The following FAM234B variants were observed in gnomAD, a reference collection of about 807,000 sequenced individuals.
FAM234B encodes the protein family with sequence similarity 234 member B, also known as protein FAM234B.
Under a neutral mutation model 69.3 loss-of-function variants are expected in FAM234B, and 33 were observed. That is an observed-to-expected ratio of 0.48 (90% CI 0.36 to 0.64). The LOEUF (loss-of-function observed/expected upper bound fraction) is 0.64, where lower values mean the gene tolerates loss of function less well. FAM234B is among the 30% of genes least tolerant of loss of function. The pLI is 0.00. For synonymous variants in FAM234B, 306 were observed against 306.9 expected (o/e 1.00, Z 0.03); for missense variants, 697 against 769.7 (o/e 0.91, Z 1.12).
In FAM234B at chr12:13,044,418, G is replaced by C. The variant is rs778726610; in HGVS notation, c.15G>C (p.Leu5=). 13 of 1,551,764 alleles carry C rather than the reference G, an allele frequency of 8.4e-6. No homozygotes were observed. Among genetic ancestry groups the C allele is most frequent in the Non-Finnish European group, 1.0e-5 (12 of 1,147,438 alleles). MATV[L]SRALKLPGKK... is the part of the protein sequence containing the mutation. ...GGGCCTCAGCCATGGCGACCGTGCT[G>C]TCCAGGGCGCTCAAGCTGCCGGGTA... The change falls in exon 1 of 13, where the codon CTG becomes CTC. Residue 5 remains leucine, a synonymous_variant. Coordinates refer to ENST00000197268, the MANE Select transcript of FAM234B (RefSeq NM_020853.2). This position sits in a 1 kb window ranked among gnomAD's most constrained non-coding sequence, Gnocchi z 5.6.
chr12:13,044,813 C>T lies in FAM234B; in HGVS notation c.37+373C>T, dbSNP rs908881982. On this transcript the variant is annotated intron_variant, in intron 1 of 12. Coordinates refer to ENST00000197268, the MANE Select transcript of FAM234B (RefSeq NM_020853.2). The surrounding 1 kb of genome is among the most constrained non-coding windows in gnomAD (Gnocchi z 5.6). The stretch of plus-strand genomic sequence containing the variant: ...CCGCAGGGACTCCGGCGCCTTCTGT[C>T]TTGGCTGGACCTGGGCGGGGGCGGC... Among the ~76,000 whole-genome samples the T allele has an allele frequency of 1.3e-5, 2 of 152,226 alleles. No homozygotes were observed. The highest frequency in any genetic ancestry group is 4.8e-5 in the African/African-American group (2 of 41,462).
intron 3 of FAM234B, among the ~76,000 whole-genome samples, chr12:13,060,640 A>G (rs1258606437): frequency 6.6e-6 from 1 of 152,158 alleles, no homozygotes; most frequent in African/African-American, 2.4e-5. Context: ...ATTGTTTGTC[A>G]CTTGTTTTTA....
Position 13,044,567 on chromosome 12 carries a change from C to T in FAM234B, c.37+127C>T. 9.8e-7 allele frequency: 1 copy of T among 1,018,316 alleles called. No individual in the cohort carries two copies. Among genetic ancestry groups the T allele is most frequent in the Non-Finnish European group, 1.5e-6 (1 of 682,300 alleles). The allele number at this position is 1,018,316 out of a possible 1,614,324, so 63.1% of individuals were successfully genotyped here. Reference sequence around the variant, plus strand: ...AGACTCAGCTGCAGGCGCCCGGTGCCGAGGAGGGTGCAGTCCCTTGGGGCT... The same window carrying T: ...AGACTCAGCTGCAGGCGCCCGGTGCTGAGGAGGGTGCAGTCCCTTGGGGCT... On this transcript the variant is annotated intron_variant, in intron 1 of 12. Transcript: ENST00000197268. The surrounding 1 kb of genome is among the most constrained non-coding windows in gnomAD (Gnocchi z 5.6).
intron 1 of FAM234B, among the ~76,000 whole-genome samples, chr12:13,055,046 A>G (rs755225882): frequency 1.3e-5 from 2 of 152,246 alleles, no homozygotes; most frequent in African/African-American, 4.8e-5. Context: ...CAACTTTCTA[A>G]GTTGTTTCCA....
Position 13,058,992 on chromosome 12 carries a change from G to A in FAM234B, c.532+443G>A, listed in dbSNP as rs917737178. Among the ~76,000 whole-genome samples, 70 of 152,200 alleles carry A rather than the reference G, an allele frequency of 4.6e-4. 1 individual carries two copies. The highest frequency in any genetic ancestry group is 1.7e-3 in the African/African-American group (70 of 41,456). Reference sequence around the variant, plus strand: ...TTACACAAATACCTCTTGGCCGGGTGTTTTCCTTTCCCCCTTCAGTTTACA... The same window carrying A: ...TTACACAAATACCTCTTGGCCGGGTATTTTCCTTTCCCCCTTCAGTTTACA... On this transcript the variant is annotated intron_variant, in intron 3 of 12. Coordinates refer to ENST00000197268, the MANE Select transcript of FAM234B (RefSeq NM_020853.2).
chr12:13,063,083 C>T (rs551750854), intron 5 of FAM234B, 108 bp downstream of exon 5: 9 of 1,326,892 alleles, frequency 6.8e-6, no homozygotes, highest in Admixed American at 5.7e-5. Flanking sequence ...GTTCTTTTTA[C>T]AAGGGTTTAG....
chr12:13,071,342 G>C lies in FAM234B; in HGVS notation c.1470G>C (p.Gln490His). Residue 490 changes from glutamine to histidine, a missense_variant, in exon 10 of 13, where the codon CAG becomes CAC. By Grantham distance (24) the Gln-to-His change is conservative. Transcript: ENST00000197268. ...CCACCTCAGCAGTTACTTCAGACCA[G>C]AAGTCTGTCTTCCTCTTCTGGGCCG... ...TPATSAVTSD[Q>H]KSVFLFWAEG... 1 of 1,614,142 alleles carries C rather than the reference G, an allele frequency of 6.2e-7. No individual in the cohort carries two copies. The highest frequency in any genetic ancestry group is 1.1e-5 in the South Asian group (1 of 91,080).
In FAM234B at chr12:13,067,130, A is replaced by G; in HGVS notation, c.1001-25A>G. ...ACAGTTCTGTTAAATTCAACTTCTC[A>G]GTGTTGGTTCTTCTGTGGTGCTAGG... On this transcript the variant is annotated intron_variant, in intron 6 of 12. Transcript: ENST00000197268. This position sits in a 1 kb window ranked among gnomAD's most constrained non-coding sequence, Gnocchi z 4.7. 5.0e-6 allele frequency: 8 copies of G among 1,613,548 alleles called. No homozygotes were observed. The East Asian group carries it at 6.7e-5, about 13-fold the overall frequency.
At chr12:13,076,283 C>G in intron 11 of FAM234B, 140 bp downstream of exon 11, 1 of 694,736 alleles carries the variant, frequency 1.4e-6, no homozygotes, top group Non-Finnish European at 2.5e-6. Flanking sequence ...CCTGGTGTCC[C>G]TGGTGCCTCT....
In FAM234B at chr12:13,062,903, A is replaced by G. The variant is rs1334804494; in HGVS notation, c.780A>G (p.Pro260=). 1 of 1,613,964 alleles carries G rather than the reference A, an allele frequency of 6.2e-7. No homozygotes were observed. Among genetic ancestry groups the G allele is most frequent in the African/African-American group, 1.3e-5 (1 of 74,936 alleles). ...TGTCCAACGGTACCTTGGCTGCCCC[A>G]GTTGTGGTACTGCCAGACTTGGATG... is the stretch of plus-strand genomic sequence containing the variant. ...NYLSNGTLAA[P]VVVLPDLDED... is the part of the protein sequence containing the mutation. The change falls in exon 5 of 13, where the codon CCA becomes CCG. Residue 260 remains proline, a synonymous_variant. Transcript: ENST00000197268.
chr12:13,049,616 A>G (rs1053001091), intron 1 of FAM234B, among the ~76,000 whole-genome samples: 1 of 152,176 alleles, frequency 6.6e-6, no homozygotes, highest in Non-Finnish European at 1.5e-5. Context: ...TTTCAGCAAT[A>G]TCTGTTCCTT....
intron 10 of FAM234B, among the ~76,000 whole-genome samples, chr12:13,072,640 G>A (rs1304040793): frequency 2.0e-5 from 3 of 150,638 alleles, no homozygotes. Flanking sequence ...TGAGGCAGGA[G>A]AATCGCTTGA....
At chr12:13,054,492 T>C (rs1335356515) in intron 1 of FAM234B, among the ~76,000 whole-genome samples, 1 of 152,230 alleles carries the variant, frequency 6.6e-6, no homozygotes, top group African/African-American at 2.4e-5. Context: ...TGAAATGACA[T>C]CACCAAGGCC....
intron 1 of FAM234B, among the ~76,000 whole-genome samples, chr12:13,051,751 G>T (rs961944257): frequency 6.6e-6 from 1 of 152,164 alleles, no homozygotes; most frequent in Admixed American, 6.5e-5. Context: ...TTAAGTAATG[G>T]GTTGAAAGAG....
chr12:13,045,586 C>T (rs1211387854), intron 1 of FAM234B, among the ~76,000 whole-genome samples: 1 of 151,980 alleles, frequency 6.6e-6, no homozygotes, highest in Non-Finnish European at 1.5e-5. Context: ...TATTAATTTG[C>T]GTTTCTGTCC....
At chr12:13,073,713 T>C (rs1320461492) in intron 10 of FAM234B, among the ~76,000 whole-genome samples, 1 of 152,198 alleles carries the variant, frequency 6.6e-6, no homozygotes, top group Non-Finnish European at 1.5e-5. Context: ...GAAAGTTCGC[T>C]CAACTTTAAT....
Position 13,044,586 on chromosome 12 carries a change from TG to T in FAM234B, c.37+150del. On this transcript the variant is annotated intron_variant, in intron 1 of 12. Transcript: ENST00000197268. The surrounding 1 kb of genome is among the most constrained non-coding windows in gnomAD (Gnocchi z 5.6). ...CGGTGCCGAGGAGGGTGCAGTCCCT[TG>T]GGGCTGGGGTCTCTGTGCCACCAGA... The T allele has an allele frequency of 3.6e-6, 3 of 828,860 alleles. No individual in the cohort carries two copies. The highest frequency in any genetic ancestry group is 5.6e-6 in the Non-Finnish European group (3 of 534,716). The allele number at this position is 828,860 out of a possible 1,614,324, so 51.3% of individuals were successfully genotyped here.
At position 13,082,187 on chromosome 12, in the gene FAM234B, A is replaced by T. The variant is rs1865241886; in HGVS notation, c.*1557A>T. ...ACCATGTTGGCCAGGCTGGTCACGA[A>T]CTCCTGACCTCAGATAATCCACCTG... On this transcript the variant is annotated 3_prime_UTR_variant, in exon 13 of 13. Coordinates refer to ENST00000197268, the MANE Select transcript of FAM234B (RefSeq NM_020853.2). 1.3e-5 allele frequency: 2 copies of T among 151,410 alleles called. No homozygotes were observed. The highest frequency in any genetic ancestry group is 1.5e-5 in the Non-Finnish European group (1 of 67,874). The allele number at this position is 151,410 out of a possible 1,614,324, so 9.4% of individuals were successfully genotyped here. A position where few individuals can be genotyped will look rare whatever the true frequency, so the allele number is the denominator to read the frequency against.
Position 13,062,898 on chromosome 12 carries a change from G to A in FAM234B, c.775G>A (p.Ala259Thr). ...PNYLSNGTLA[A>T]PVVVLPDLDE... ...CTACTTGTCCAACGGTACCTTGGCTGCCCCAGTTGTGGTACTGCCAGACTT... is the reference window on the plus strand; with the variant it reads ...CTACTTGTCCAACGGTACCTTGGCTACCCCAGTTGTGGTACTGCCAGACTT... Residue 259 changes from alanine (A) to threonine (T), a missense_variant, in exon 5 of 13, where the codon GCC becomes ACC. This residue lies in a region of FAM234B where 380 missense variants were observed against 447.1 expected (regional missense o/e 0.85). Transcript: ENST00000197268. The A allele has an allele frequency of 6.2e-7, 1 of 1,614,064 alleles. No homozygotes were observed. The highest frequency in any genetic ancestry group is 8.5e-7 in the Non-Finnish European group (1 of 1,179,926).
Sources: allele counts gnomAD v4.1 joint callset (sites outside exome capture counted in the v4.1 genomes callset), GRCh38; gene constraint gnomAD v4.1.1; regional missense constraint gnomAD v4.1.1; non-coding constraint Gnocchi (gnomAD v3.1); transcripts MANE v1.5; gene names NCBI Gene and HGNC (gene_info 2026-07-23, HGNC 2026-07-21).